PRPS2: variants seen among roughly 807,000 people sequenced by gnomAD.
PRPS2 encodes the protein phosphoribosyl pyrophosphate synthetase 2.
For synonymous variants in PRPS2, 111 were observed against 115.3 expected (o/e 0.96, Z 0.24); for missense variants, 104 against 271.5 (o/e 0.38, Z 4.34).
chrX:12,820,318 AT>A (rs1200038161), intron 5 of PRPS2, among the ~76,000 whole-genome samples: 1 of 111,832 alleles, frequency 8.9e-6, no homozygotes, highest in African/African-American at 3.3e-5. Flanking sequence ...GTCTAGAGAC[AT>A]TTTTTGTTGT....
At position 12,797,335 on chromosome X, in the gene PRPS2, G is replaced by T. The variant is rs1400452283; in HGVS notation, c.123-1872G>T. ...ATGTCACCACTGCCCTCCAGCCTGGGCAACAGAGTGAGACTCTGTCTTTAA... is the reference window on the plus strand; with the variant it reads ...ATGTCACCACTGCCCTCCAGCCTGGTCAACAGAGTGAGACTCTGTCTTTAA... On this transcript the variant is annotated intron_variant, in intron 1 of 6. Transcript: ENST00000380668. 2.8e-5 allele frequency among the ~76,000 whole-genome samples: 3 copies of T among 107,999 alleles called. No individual in the cohort carries two copies. The East Asian group carries it at 8.6e-4, about 31-fold the overall frequency. 93.8% of individuals were successfully genotyped at this position (107,999 alleles called of 115,157 possible).
intron 6 of PRPS2, among the ~76,000 whole-genome samples, chrX:12,821,077 T>C (rs2042673269): frequency 8.9e-6 from 1 of 112,335 alleles, no homozygotes; most frequent in South Asian, 3.6e-4. Flanking sequence ...AAACTTAGAA[T>C]TATCATATGA....
chrX:12,810,375 A>G (rs988183315), intron 4 of PRPS2: 16 of 340,580 alleles, frequency 4.7e-5, no homozygotes, highest in African/African-American at 3.7e-4. Flanking sequence ...CAATAGGTAT[A>G]TATTGGTTTA....
In PRPS2 at chrX:12,791,417, A is replaced by G; in HGVS notation, c.-81A>G. 2.7e-6 allele frequency: 3 copies of G among 1,109,497 alleles called. No individual in the cohort carries two copies. The highest frequency in any genetic ancestry group is 3.6e-6 in the Non-Finnish European group (3 of 834,074). 91.4% of individuals were successfully genotyped at this position (1,109,497 alleles called of 1,213,427 possible). The stretch of plus-strand genomic sequence containing the variant: ...CGCCGCGCTTTCCCGCTCCCGCAGC[A>G]GCAGCCTCCCGCGTCGCTGTCGCTG... On this transcript the variant is annotated 5_prime_UTR_variant, in exon 1 of 7. Coordinates refer to ENST00000380668, the MANE Select transcript of PRPS2 (RefSeq NM_002765.5).
At chrX:12,800,009 A>G (rs2042561888) in intron 2 of PRPS2, among the ~76,000 whole-genome samples, 1 of 112,592 alleles carries the variant, frequency 8.9e-6, no homozygotes, top group South Asian at 3.6e-4. Flanking sequence ...TTAGAAAAAA[A>G]TTGAAGAAAA....
In PRPS2 at chrX:12,815,181, ATCT is replaced by A. The variant is rs757293560; in HGVS notation, c.531-4316_531-4314del. On this transcript the variant is annotated intron_variant, in intron 4 of 6. Transcript: ENST00000380668. ...GCTGTTTGCAGGGGTATTTTCTCTT[ATCT>A]TCTTCTTCTGACATTACCATTGGAT... 3.6e-3 allele frequency among the ~76,000 whole-genome samples: 405 copies of A among 111,687 alleles called. 4 individuals are homozygous for A. The highest frequency in any genetic ancestry group is 0.013 in the African/African-American group (386 of 30,727).
intron 3 of PRPS2, 82 bp from the exon 4 acceptor site, chrX:12,809,940 T>C: frequency 9.4e-7 from 1 of 1,065,195 alleles, no homozygotes; most frequent in East Asian, 3.3e-5. Context: ...TGTTATTTAA[T>C]GAAAGCGATT....
At chrX:12,802,325 GTGTTT>G (rs764841614) in intron 2 of PRPS2, among the ~76,000 whole-genome samples, 45 of 110,127 alleles carry the variant, frequency 4.1e-4, no homozygotes, top group Admixed American at 1.8e-3. Flanking sequence ...GCTATAACTT[GTGTTT>G]TGTTTTGTTT....
At chrX:12,799,496 C>A in intron 2 of PRPS2, 106 bp downstream of exon 2, 1 of 872,444 alleles carries the variant, frequency 1.1e-6, no homozygotes, top group South Asian at 3.0e-5. Flanking sequence ...TGGCTTTTTC[C>A]TTTGATGATC....
chrX:12,793,518 A>G (rs1383893500), intron 1 of PRPS2, among the ~76,000 whole-genome samples: 1 of 112,888 alleles, frequency 8.9e-6, no homozygotes, highest in East Asian at 2.8e-4. Context: ...GGAATTGCCT[A>G]TATAGCTACA....
Position 12,823,138 on chromosome X carries a change from A to G in PRPS2, c.*342A>G. 5.7e-6 allele frequency: 1 copy of G among 174,631 alleles called. No individual in the cohort carries two copies. The highest frequency in any genetic ancestry group is 1.1e-5 in the Non-Finnish European group (1 of 94,833). The allele number at this position is 174,631 out of a possible 1,213,427, so 14.4% of individuals were successfully genotyped here. A position where few individuals can be genotyped will look rare whatever the true frequency, so the allele number is the denominator to read the frequency against. ...AGTATATAATTTCATTGTGGAAGTC[A>G]TAGTTTATATATTTCGAGGTTGCCA... On this transcript the variant is annotated 3_prime_UTR_variant, in exon 7 of 7. Transcript: ENST00000380668.
intron 4 of PRPS2, 65 bp downstream of exon 4, chrX:12,810,211 A>G: frequency 8.5e-7 from 1 of 1,175,823 alleles, no homozygotes; most frequent in Non-Finnish European, 1.1e-6. Context: ...TTTCCGATGT[A>G]TTAGATAAGG....
At chrX:12,813,537 G>A (rs937323914) in intron 4 of PRPS2, among the ~76,000 whole-genome samples, 1 of 112,102 alleles carries the variant, frequency 8.9e-6, no homozygotes, top group Non-Finnish European at 1.9e-5. Flanking sequence ...ATTCCATCAT[G>A]TATGGATGCC....
chrX:12,819,748 A>G (rs1451823693), intron 5 of PRPS2, 68 bp downstream of exon 5: 1 of 1,112,758 alleles, frequency 9.0e-7, no homozygotes, highest in Non-Finnish European at 1.2e-6. Flanking sequence ...AGCTTTTAGA[A>G]ATTGGGCTCT....
intron 1 of PRPS2, among the ~76,000 whole-genome samples, chrX:12,798,833 C>A (rs1484427797): frequency 9.0e-6 from 1 of 111,515 alleles, no homozygotes; most frequent in Non-Finnish European, 1.9e-5. Context: ...ACGTGCTAGG[C>A]AGAGGGTGCT....
chrX:12,810,974 A>G (rs929288725), intron 4 of PRPS2, among the ~76,000 whole-genome samples: 36 of 112,078 alleles, frequency 3.2e-4, no homozygotes, highest in African/African-American at 1.0e-3. Context: ...ATAGTCACCT[A>G]TGAGAAGTCA....
intron 2 of PRPS2, among the ~76,000 whole-genome samples, chrX:12,800,691 C>T (rs779395928): frequency 7.2e-4 from 81 of 111,905 alleles, no homozygotes; most frequent in Non-Finnish European, 1.1e-3. Context: ...TAATTCATTT[C>T]TGAAACAACA....
At chrX:12,793,164 GT>G (rs1405284675) in intron 1 of PRPS2, among the ~76,000 whole-genome samples, 2 of 112,594 alleles carry the variant, frequency 1.8e-5, no homozygotes, top group Non-Finnish European at 3.7e-5. Flanking sequence ...AAGAAGAATA[GT>G]TTTTGTTCAG....
At chrX:12,808,691 T>C (rs2042607213) in intron 2 of PRPS2, among the ~76,000 whole-genome samples, 1 of 112,471 alleles carries the variant, frequency 8.9e-6, no homozygotes, top group South Asian at 3.7e-4. Flanking sequence ...AAATGTCGGC[T>C]CATGAATTCC....
Sources: allele counts gnomAD v4.1 joint callset (sites outside exome capture counted in the v4.1 genomes callset), GRCh38; gene constraint gnomAD v4.1.1; transcripts MANE v1.5; gene names NCBI Gene and HGNC (gene_info 2026-07-23, HGNC 2026-07-21).